XKR4: variants seen among roughly 807,000 people sequenced by gnomAD.
XKR4 encodes the protein XK related 4, also known as XK-related protein 4.
XKR4 carries 12 observed loss-of-function variants against 53.9 expected under a neutral mutation model. The observed-to-expected ratio is 0.22, with a 90% CI of 0.14 to 0.36. XKR4 has a LOEUF of 0.36. Ranked by LOEUF, XKR4 falls within the 10% of genes least tolerant of loss-of-function variation. The probability of loss-of-function intolerance (pLI) is 1.00; values close to 1 mark genes in which losing one functional copy is unlikely to be tolerated. For synonymous variants in XKR4, 354 were observed against 362.4 expected, an observed-to-expected ratio of 0.98 and a Z score of 0.26; for missense variants, 799 against 859.5, an observed-to-expected ratio of 0.93 and a Z score of 0.88.
At chr8:55,125,935 G>T (rs1204246090) in intron 1 of XKR4, among the ~76,000 whole-genome samples, 1 of 152,186 alleles carries the variant, frequency 6.6e-6, no homozygotes, top group Non-Finnish European at 1.5e-5. Flanking sequence ...TTACTACACA[G>T]GTTGTATGTC....
Position 55,357,861 on chromosome 8 carries a change from C to A in XKR4, c.990C>A (p.Ser330Arg). Residue 330 changes from serine (S) to arginine (R), a missense_variant, in exon 2 of 3, where the codon AGC (serine) becomes AGA (arginine). Physicochemically the swap from Ser to Arg is moderately radical, Grantham distance 110. Transcript: ENST00000327381. The part of the protein sequence containing the change: ...LQLCIIVQTH[S>R]LQALQGFTAA... ...TCTGCATTATCGTACAGACTCATAG[C>A]TTACAGGCCCTCCAAGGTAAGGGCT... 2 of 1,612,354 alleles carry A rather than the reference C, an allele frequency of 1.2e-6. No individual in the cohort carries two copies. The highest frequency in any genetic ancestry group is 1.7e-6 in the Non-Finnish European group (2 of 1,178,530).
intron 1 of XKR4, among the ~76,000 whole-genome samples, chr8:55,178,799 A>G (rs769410600): frequency 1.3e-5 from 2 of 152,230 alleles, no homozygotes; most frequent in Non-Finnish European, 2.9e-5. Context: ...TCTGGTCTGC[A>G]TAGACAAAAA....
chr8:55,274,742 C>CT (rs754770638), intron 1 of XKR4, among the ~76,000 whole-genome samples: 1 of 152,110 alleles, frequency 6.6e-6, no homozygotes, highest in Non-Finnish European at 1.5e-5. Context: ...CAAATTTCTT[C>CT]TTTTTCTAAG....
intron 2 of XKR4, among the ~76,000 whole-genome samples, chr8:55,484,780 A>G (rs1224336190): frequency 6.6e-6 from 1 of 152,226 alleles, no homozygotes; most frequent in Non-Finnish European, 1.5e-5. Flanking sequence ...AAGAAAGATT[A>G]AGTAAGAAAG....
chr8:55,462,161 A>T (rs1268745622), intron 2 of XKR4, among the ~76,000 whole-genome samples: 1 of 152,226 alleles, frequency 6.6e-6, no homozygotes, highest in African/African-American at 2.4e-5. Flanking sequence ...CAACTCCAAG[A>T]CACATAATTG....
At chr8:55,334,577 C>T (rs191172802) in intron 1 of XKR4, among the ~76,000 whole-genome samples, 46 of 152,268 alleles carry the variant, frequency 3.0e-4, no homozygotes, top group African/African-American at 2.9e-4. Context: ...AACAAACTTG[C>T]AGCAATATTC....
intron 1 of XKR4, among the ~76,000 whole-genome samples, chr8:55,236,237 C>T (rs1249482737): frequency 6.6e-6 from 1 of 152,138 alleles, no homozygotes; most frequent in Non-Finnish European, 1.5e-5. Flanking sequence ...GTGAGTGATG[C>T]TTTGCTGCCT....
chr8:55,426,810 C>G (rs1218595052), intron 2 of XKR4, among the ~76,000 whole-genome samples: 1 of 152,176 alleles, frequency 6.6e-6, no homozygotes, highest in Admixed American at 6.5e-5. Context: ...AGAAGTTAAG[C>G]AGTTGAATAC....
chr8:55,250,259 G>A (rs1356410950), intron 1 of XKR4, among the ~76,000 whole-genome samples: 1 of 152,132 alleles, frequency 6.6e-6, no homozygotes, highest in East Asian at 1.9e-4. Flanking sequence ...AAGGGCTGCA[G>A]CAGGTCAGTT....
rs142907908 is a variant in XKR4, at chr8:55,289,540, A to AGAAGGAAGGAAG, written c.807-68119_807-68108dup. Among the ~76,000 whole-genome samples, 51 of 102,626 alleles carry AGAAGGAAGGAAG rather than the reference A, an allele frequency of 5.0e-4. 1 individual carries two copies. Among genetic ancestry groups the AGAAGGAAGGAAG allele is most frequent in the African/African-American group, 2.1e-3 (50 of 23,982 alleles). 67.3% of individuals were successfully genotyped at this position (102,626 alleles called of 152,430 possible). A position where few individuals can be genotyped will look rare whatever the true frequency, so the allele number is the denominator to read the frequency against. ...AAAAAAAAAAAAAGAAAAGAAAGAAAGAAGGAAGGAAGGAAGGAAGGAAGG... is the reference window on the plus strand; with the variant it reads ...AAAAAAAAAAAAAGAAAAGAAAGAAAGAAGGAAGGAAGGAAGGAAGGAAGGAAGGAAGGAAGG... On this transcript the variant is annotated intron_variant, in intron 1 of 2. Coordinates refer to ENST00000327381, the MANE Select transcript of XKR4 (RefSeq NM_052898.2).
intron 1 of XKR4, among the ~76,000 whole-genome samples, chr8:55,323,388 G>C (rs184595712): frequency 6.6e-5 from 10 of 152,176 alleles, no homozygotes; most frequent in Non-Finnish European, 1.3e-4. Flanking sequence ...TCACTGACCT[G>C]TTTTTTTCTC....
chr8:55,519,319 A>G (rs572088138), intron 2 of XKR4, among the ~76,000 whole-genome samples: 1 of 152,330 alleles, frequency 6.6e-6, no homozygotes, highest in East Asian at 1.9e-4. Flanking sequence ...GAAAAGACTG[A>G]CAGACCCATT....
chr8:55,359,354 A>G (rs1420098340), intron 2 of XKR4, among the ~76,000 whole-genome samples: 1 of 152,242 alleles, frequency 6.6e-6, no homozygotes, highest in Non-Finnish European at 1.5e-5. Context: ...TAAAGGTCGC[A>G]AGTTAAACTG....
At chr8:55,188,338 G>T (rs1429286795) in intron 1 of XKR4, among the ~76,000 whole-genome samples, 4 of 152,090 alleles carry the variant, frequency 2.6e-5, no homozygotes, top group African/African-American at 9.7e-5. Context: ...GGTGGGAATT[G>T]AATTTACCAA....
intron 2 of XKR4, among the ~76,000 whole-genome samples, chr8:55,401,695 G>C (rs765592765): frequency 1.3e-5 from 2 of 152,208 alleles, no homozygotes; most frequent in African/African-American, 2.4e-5. Flanking sequence ...CCAAAGGCCA[G>C]GTCCTTTCCA....
intron 1 of XKR4, among the ~76,000 whole-genome samples, chr8:55,354,093 C>T (rs1803764825): frequency 6.6e-6 from 1 of 152,100 alleles, no homozygotes; most frequent in Non-Finnish European, 1.5e-5. Context: ...GAGATACCCC[C>T]ATAATTACCT....
intron 2 of XKR4, among the ~76,000 whole-genome samples, chr8:55,447,743 T>G (rs1292534120): frequency 6.6e-6 from 1 of 152,242 alleles, no homozygotes; most frequent in Non-Finnish European, 1.5e-5. Context: ...CTTGAGAACT[T>G]CATTTTTAGA....
intron 1 of XKR4, among the ~76,000 whole-genome samples, chr8:55,127,702 G>C (rs1331506922): frequency 1.4e-5 from 2 of 146,062 alleles, no homozygotes; most frequent in East Asian, 2.1e-4. Context: ...ATTTAGCTTA[G>C]GTATATCTCC....
At chr8:55,464,362 C>T (rs1805719550) in intron 2 of XKR4, among the ~76,000 whole-genome samples, 1 of 152,076 alleles carries the variant, frequency 6.6e-6, no homozygotes, top group African/African-American at 2.4e-5. Context: ...ATAAACAGAA[C>T]CAAAGACAAA....
Sources: allele counts gnomAD v4.1 joint callset (sites outside exome capture counted in the v4.1 genomes callset), GRCh38; gene constraint gnomAD v4.1.1; transcripts MANE v1.5; gene names NCBI Gene and HGNC (gene_info 2026-07-23, HGNC 2026-07-21).